CNTNAP4: variants seen among roughly 807,000 people sequenced by gnomAD.
CNTNAP4 encodes contactin-associated protein-like 4.
A neutral mutation model predicts 148.4 loss-of-function variants in CNTNAP4; 98 were observed. That is an observed-to-expected ratio of 0.66 (90% CI 0.56 to 0.78). The LOEUF (loss-of-function observed/expected upper bound fraction) is 0.78, where lower values mean the gene tolerates loss of function less well. Among genes scored for constraint, CNTNAP4 ranks in the 30% least tolerant of loss-of-function variants. The pLI is 0.00. For synonymous variants in CNTNAP4, 730 were observed against 565.1 expected, an observed-to-expected ratio of 1.29 and a Z score of -4.14; for missense variants, 1,935 against 1,565.6, an observed-to-expected ratio of 1.24 and a Z score of -3.98.
intron 4 of CNTNAP4, among the ~76,000 whole-genome samples, chr16:76,433,707 A>G (rs915709832): frequency 2.0e-5 from 3 of 152,138 alleles, no homozygotes; most frequent in Non-Finnish European, 2.9e-5. Flanking sequence ...ATGAAAAGCA[A>G]TAAATTGGTT....
In CNTNAP4 at chr16:76,479,521, T is replaced by C; in HGVS notation, c.1865T>C (p.Leu622Pro). 6.2e-7 allele frequency: 1 copy of C among 1,608,758 alleles called. No individual in the cohort carries two copies. The highest frequency in any genetic ancestry group is 8.5e-7 in the Non-Finnish European group (1 of 1,178,320). The change falls in exon 12 of 24, where the codon CTA becomes CCA. Residue 622 changes from leucine to proline, a missense_variant. Physicochemically the swap from Leu to Pro is moderately conservative, Grantham distance 98 (BLOSUM62 -3). Transcript: ENST00000611870. ...AGTGGTCCCCTGGAACCATTTCTTC[T>C]ATATTGCAATATGACCGGTGAGTTA... ...DGSGPLEPFL[L>P]YCNMTETAWT...
chr16:76,385,547 AGTGTGTGT>A (rs3035895), intron 3 of CNTNAP4, among the ~76,000 whole-genome samples: 1,995 of 148,990 alleles, frequency 0.013, 20 homozygotes, highest in African/African-American at 0.022. Flanking sequence ...TTTAATTAGA[AGTGTGTGT>A]GTGTGTGTGT....
At chr16:76,291,361 G>T (rs1045415321) in intron 1 of CNTNAP4, among the ~76,000 whole-genome samples, 6 of 152,140 alleles carry the variant, frequency 3.9e-5, no homozygotes, top group African/African-American at 1.4e-4. Context: ...AGCCACCACT[G>T]CCTGGTGGAC....
Position 76,522,079 on chromosome 16 carries a change from G to A in CNTNAP4, c.2577G>A (p.Gly859=), listed in dbSNP as rs2083475745. ...VVTFSFDVGN[G]PFEISVQSPT... is the part of the protein sequence containing the mutation. ...CTTTTTCATTTGATGTGGGGAATGG[G>A]CCTTTTGAAATCTCAGTGCAGTCAC... The change falls in exon 17 of 24, where the codon GGG becomes GGA. Residue 859 remains glycine (G), a synonymous_variant. Coordinates refer to ENST00000611870, the MANE Select transcript of CNTNAP4 (RefSeq NM_033401.5). The A allele has an allele frequency of 1.9e-6, 3 of 1,613,888 alleles. No individual in the cohort carries two copies. In the South Asian group the frequency reaches 3.3e-5, roughly 18 times the overall value.
chr16:76,424,560 C>A (rs373574296), intron 3 of CNTNAP4, among the ~76,000 whole-genome samples: 2 of 152,140 alleles, frequency 1.3e-5, no homozygotes, highest in East Asian at 1.9e-4. Flanking sequence ...TTGAGACCAG[C>A]CTGGCCAACA....
intron 21 of CNTNAP4, among the ~76,000 whole-genome samples, chr16:76,547,592 T>A (rs2084790526): frequency 6.6e-6 from 1 of 152,256 alleles, no homozygotes; most frequent in Non-Finnish European, 1.5e-5. Context: ...ATTTGCTTTT[T>A]ATCTCCAAAA....
At chr16:76,428,419 GTTT>G (rs146173411) in intron 4 of CNTNAP4, among the ~76,000 whole-genome samples, 1 of 147,866 alleles carries the variant, frequency 6.8e-6, no homozygotes, top group Non-Finnish European at 1.5e-5. Flanking sequence ...TCACGACATC[GTTT>G]TTTTTTTTTC....
In CNTNAP4 at chr16:76,508,152, A is replaced by G. The variant is rs1268954805; in HGVS notation, c.2365+9458A>G. The stretch of plus-strand genomic sequence containing the variant: ...TTGCACAAAAGATAATCAATGAATA[A>G]CAGTTCATGAAATAAAGAGAATGAT... On this transcript the variant is annotated intron_variant, in intron 15 of 23. Coordinates refer to ENST00000611870, the MANE Select transcript of CNTNAP4 (RefSeq NM_033401.5). Among the ~76,000 whole-genome samples, 6 of 98,028 alleles carry G rather than the reference A, an allele frequency of 6.1e-5. 3 individuals are homozygous for G. The highest frequency in any genetic ancestry group is 4.0e-4 in the Admixed American group (4 of 10,050). 64.3% of individuals were successfully genotyped at this position (98,028 alleles called of 152,430 possible). A position where few individuals can be genotyped will look rare whatever the true frequency, so the allele number is the denominator to read the frequency against.
chr16:76,334,736 C>G (rs997768373), intron 2 of CNTNAP4, among the ~76,000 whole-genome samples: 4 of 151,950 alleles, frequency 2.6e-5, no homozygotes, highest in African/African-American at 9.7e-5. Context: ...CTGTCAAAAC[C>G]CATGTATTTT....
chr16:76,336,315 T>C (rs1216588807), intron 2 of CNTNAP4, among the ~76,000 whole-genome samples: 2 of 152,236 alleles, frequency 1.3e-5, no homozygotes, highest in Admixed American at 1.3e-4. Context: ...AGTAATCTGC[T>C]GGCTTGTGGG....
chr16:76,321,898 G>A (rs11861063), intron 2 of CNTNAP4, among the ~76,000 whole-genome samples: 114 of 151,142 alleles, frequency 7.5e-4, no homozygotes, highest in African/African-American at 2.7e-3. Flanking sequence ...TATAACTTTT[G>A]TACAGGATTG....
In CNTNAP4 at chr16:76,509,476, A is replaced by G. The variant is rs79175513; in HGVS notation, c.2365+10782A>G. 6.4e-3 allele frequency among the ~76,000 whole-genome samples: 625 copies of G among 98,232 alleles called. 99 individuals are homozygous for G. The highest frequency in any genetic ancestry group is 0.015 in the African/African-American group (594 of 39,084). 64.4% of individuals were successfully genotyped at this position (98,232 alleles called of 152,430 possible). A position where few individuals can be genotyped will look rare whatever the true frequency, so the allele number is the denominator to read the frequency against. ...CTTTATTCATTAAAATTGAGAAAGA[A>G]AACACCAAATTTAAGCCAAGATGGC... is the stretch of plus-strand genomic sequence containing the variant. On this transcript the variant is annotated intron_variant, in intron 15 of 23. Transcript: ENST00000611870.
chr16:76,324,206 C>G (rs553948537), intron 2 of CNTNAP4, among the ~76,000 whole-genome samples: 7 of 152,130 alleles, frequency 4.6e-5, no homozygotes, highest in Non-Finnish European at 1.0e-4. Context: ...TACAGGAATT[C>G]AAAATATAAA....
chr16:76,467,269 C>G lies in CNTNAP4; in HGVS notation c.1484-83C>G, dbSNP rs921296674. 5.7e-6 allele frequency: 7 copies of G among 1,236,934 alleles called. No individual in the cohort carries two copies. In the Admixed American group the frequency reaches 8.7e-5, roughly 15 times the overall value. The allele number at this position is 1,236,934 out of a possible 1,614,324, so 76.6% of individuals were successfully genotyped here. A position where few individuals can be genotyped will look rare whatever the true frequency, so the allele number is the denominator to read the frequency against. On this transcript the variant is annotated intron_variant, in intron 9 of 23. Transcript: ENST00000611870. Reference sequence around the variant, plus strand: ...ACAGAAAATAATCATATGCCTCTTTCTTTTATTTTTTAAATGAAGTTATCT... The same window carrying G: ...ACAGAAAATAATCATATGCCTCTTTGTTTTATTTTTTAAATGAAGTTATCT...
At chr16:76,373,414 C>G (rs906069348) in intron 3 of CNTNAP4, among the ~76,000 whole-genome samples, 3 of 152,074 alleles carry the variant, frequency 2.0e-5, no homozygotes, top group African/African-American at 7.2e-5. Flanking sequence ...TCCCAATTGC[C>G]TTTATAAGTC....
chr16:76,435,671 C>A (rs1442624272), intron 4 of CNTNAP4, among the ~76,000 whole-genome samples: 1 of 152,136 alleles, frequency 6.6e-6, no homozygotes, highest in Non-Finnish European at 1.5e-5. Flanking sequence ...CTAATCTACT[C>A]CACCATCCCC....
At chr16:76,455,558 G>T (rs1003004614) in intron 8 of CNTNAP4, among the ~76,000 whole-genome samples, 2 of 152,088 alleles carry the variant, frequency 1.3e-5, no homozygotes, top group East Asian at 3.9e-4. Flanking sequence ...TTAAACTTCT[G>T]CTCTCCACCA....
chr16:76,351,553 G>T (rs1360505771), intron 2 of CNTNAP4, among the ~76,000 whole-genome samples: 1 of 152,174 alleles, frequency 6.6e-6, no homozygotes, highest in Non-Finnish European at 1.5e-5. Context: ...GAGATATTTG[G>T]ATTCCCTCTG....
intron 17 of CNTNAP4, among the ~76,000 whole-genome samples, chr16:76,530,713 G>A (rs757918544): frequency 6.6e-6 from 1 of 152,104 alleles, no homozygotes; most frequent in Non-Finnish European, 1.5e-5. Flanking sequence ...TTTGAACCAC[G>A]ATAGTTCTTT....
Sources: gnomAD v4.1 joint callset for allele counts (sites outside exome capture counted in the v4.1 genomes callset) on GRCh38, gnomAD v4.1.1 for gene constraint, MANE v1.5 for transcripts, NCBI Gene and HGNC (gene_info 2026-07-23, HGNC 2026-07-21) for gene names.